Variants in FSTL4 observed in about 807,000 individuals in gnomAD.
The protein encoded by FSTL4 is follistatin-related protein 4.
FSTL4 carries 28 observed loss-of-function variants against 78.2 expected under a neutral mutation model. The ratio of observed to expected loss-of-function variants is 0.36; its 90% CI spans 0.27 to 0.49. FSTL4 has a LOEUF of 0.49. Among genes scored for constraint, FSTL4 ranks in the 20% least tolerant of loss-of-function variants. The pLI, the probability that FSTL4 is intolerant of heterozygous loss-of-function variation, is 0.98. For synonymous variants in FSTL4, 422 were observed against 440.5 expected (o/e 0.96, Z 0.53); for missense variants, 922 against 1,084.9 (o/e 0.85, Z 2.11).
chr5:133,685,280 C>A, the FSTL4 span, among the ~76,000 whole-genome samples: 1 of 152,252 alleles, frequency 6.6e-6, no homozygotes, highest in Non-Finnish European at 1.5e-5. Flanking sequence ...GATGACAAAC[C>A]CTTCCCCATT....
At chr5:133,231,729 G>T (rs2126801619) in intron 8 of FSTL4, among the ~76,000 whole-genome samples, 1 of 152,164 alleles carries the variant, frequency 6.6e-6, no homozygotes, top group South Asian at 2.1e-4. Context: ...TTTTTGTAGA[G>T]ACAGGGTTTC....
At chr5:133,241,940 C>G (rs1036918230) in intron 7 of FSTL4, among the ~76,000 whole-genome samples, 1 of 152,178 alleles carries the variant, frequency 6.6e-6, no homozygotes, top group African/African-American at 2.4e-5. Context: ...TGGCTCATTT[C>G]AGGGACCAAG....
chr5:133,630,834 A>G, the FSTL4 span, among the ~76,000 whole-genome samples: 1,622 of 152,312 alleles, frequency 0.011, 30 homozygotes, highest in African/African-American at 0.037. Context: ...AAATAATGCC[A>G]CATATCTACA....
At chr5:133,708,791 G>A in the FSTL4 span, among the ~76,000 whole-genome samples, 2 of 152,194 alleles carry the variant, frequency 1.3e-5, no homozygotes, top group Non-Finnish European at 2.9e-5. Flanking sequence ...TATGATGTGG[G>A]GGCTATTGCC....
the FSTL4 span, among the ~76,000 whole-genome samples, chr5:133,724,305 G>T: frequency 2.6e-5 from 4 of 152,272 alleles, no homozygotes; most frequent in South Asian, 4.1e-4. Flanking sequence ...AGTCCCTCTT[G>T]GTTCCAAGAT....
intron 2 of FSTL4, among the ~76,000 whole-genome samples, chr5:133,597,745 G>T (rs1052878701): frequency 2.0e-5 from 3 of 152,116 alleles, no homozygotes; most frequent in Non-Finnish European, 2.9e-5. Context: ...AGGATAAAGA[G>T]AAAAACAAGA....
chr5:133,261,638 T>C (rs986519889), intron 6 of FSTL4, among the ~76,000 whole-genome samples: 2 of 152,036 alleles, frequency 1.3e-5, no homozygotes, highest in South Asian at 2.1e-4. Flanking sequence ...GGGTGGATCA[T>C]TGAGGTCAGG....
At chr5:133,400,392 G>A (rs985622636) in intron 4 of FSTL4, among the ~76,000 whole-genome samples, 1 of 152,196 alleles carries the variant, frequency 6.6e-6, no homozygotes, top group African/African-American at 2.4e-5. Context: ...GTGCAGAAGG[G>A]TAAACATGGT....
intron 6 of FSTL4, among the ~76,000 whole-genome samples, chr5:133,309,455 A>G (rs1020016507): frequency 3.3e-5 from 5 of 152,188 alleles, no homozygotes; most frequent in Middle Eastern, 3.2e-3. Context: ...TCAGAAAGAG[A>G]CTTAACTGAC....
At chr5:133,681,460 T>C in the FSTL4 span, among the ~76,000 whole-genome samples, 2 of 152,188 alleles carry the variant, frequency 1.3e-5, no homozygotes, top group Non-Finnish European at 1.5e-5. Context: ...CCATGGAGTC[T>C]GTGATCCAGT....
At chr5:133,776,571 A>G in the FSTL4 span, among the ~76,000 whole-genome samples, 9 of 152,032 alleles carry the variant, frequency 5.9e-5, no homozygotes, top group African/African-American at 2.2e-4. Flanking sequence ...TCCTGGTAAG[A>G]TCCTAACTGA....
At chr5:133,287,853 A>G (rs1753171326) in intron 6 of FSTL4, among the ~76,000 whole-genome samples, 1 of 152,090 alleles carries the variant, frequency 6.6e-6, no homozygotes, top group African/African-American at 2.4e-5. Flanking sequence ...CAAATGCCAA[A>G]CACCACCTCC....
rs148304695 is a variant in FSTL4, at chr5:133,603,930, C to T, written c.54G>A (p.Pro18=). Residue 18 remains proline, a synonymous_variant, in exon 2 of 16, where the codon CCG becomes CCA. Coordinates refer to ENST00000265342, the MANE Select transcript of FSTL4 (RefSeq NM_015082.2). ...LHLTLLGASL[P]AALGWMDPGT... ...CTGGGTCCATCCATCCCAGCGCAGC[C>T]GGCAGGGAGGCTCCGAGCAGTGTGA... The T allele has an allele frequency of 1.3e-5, 21 of 1,613,436 alleles. No individual in the cohort carries two copies. The highest frequency in any genetic ancestry group is 2.7e-5 in the African/African-American group (2 of 74,912).
intron 4 of FSTL4, among the ~76,000 whole-genome samples, chr5:133,387,224 G>A (rs1185915178): frequency 6.6e-6 from 1 of 152,150 alleles, no homozygotes; most frequent in Non-Finnish European, 1.5e-5. Context: ...TCATGGGAGT[G>A]GCCACTGACA....
chr5:133,318,708 G>T (rs1753970093), intron 4 of FSTL4, among the ~76,000 whole-genome samples: 1 of 152,250 alleles, frequency 6.6e-6, no homozygotes, highest in Non-Finnish European at 1.5e-5. Flanking sequence ...GGACAATCAG[G>T]CTCCGAAGAA....
At chr5:133,576,943 G>A (rs1217335857) in intron 2 of FSTL4, among the ~76,000 whole-genome samples, 1 of 152,158 alleles carries the variant, frequency 6.6e-6, no homozygotes, top group African/African-American at 2.4e-5. Context: ...TTGCTAGCAA[G>A]ACACTATTCT....
At chr5:133,652,371 A>G in the FSTL4 span, among the ~76,000 whole-genome samples, 1 of 152,086 alleles carries the variant, frequency 6.6e-6, no homozygotes, top group East Asian at 1.9e-4. Flanking sequence ...TCTCCTTTCT[A>G]ATATATGCAT....
chr5:133,384,824 C>T (rs1392211766), intron 4 of FSTL4, among the ~76,000 whole-genome samples: 1 of 152,238 alleles, frequency 6.6e-6, no homozygotes, highest in Non-Finnish European at 1.5e-5. Context: ...TTGGCCAAAG[C>T]TCCTTTCCAG....
chr5:133,217,527 A>G (rs747245024), intron 12 of FSTL4, 149 bp from the exon 13 acceptor site: 2 of 664,396 alleles, frequency 3.0e-6, no homozygotes, highest in Non-Finnish European at 5.0e-6. Context: ...CAAGCCCTCC[A>G]ACATCACTGA....
Sources: allele counts gnomAD v4.1 joint callset (sites outside exome capture counted in the v4.1 genomes callset), GRCh38; gene constraint gnomAD v4.1.1; transcripts MANE v1.5; gene names NCBI Gene and HGNC (gene_info 2026-07-23, HGNC 2026-07-21).